The following UBTF variants were observed in gnomAD, a reference collection of about 807,000 sequenced individuals.
UBTF encodes upstream binding transcription factor, also known as nucleolar transcription factor 1.
Under a neutral mutation model 112.3 loss-of-function variants are expected in UBTF, and 8 were observed. That is an observed-to-expected ratio of 0.07 (90% CI 0.04 to 0.13). The LOEUF is 0.13. UBTF is among the 10% of genes least tolerant of loss of function. The pLI is 1.00. For missense variants in UBTF, 457 were observed against 982.1 expected, an observed-to-expected ratio of 0.47 and a Z score of 7.15; for synonymous variants, 417 against 373.1, an observed-to-expected ratio of 1.12 and a Z score of -1.36.
intron 17 of UBTF, 45 bp from the exon 18 acceptor site, chr17:44,207,956 T>C (rs763686097): frequency 3.7e-6 from 6 of 1,612,932 alleles, no homozygotes; most frequent in Non-Finnish European, 5.1e-6. Context: ...AGCCAACTAC[T>C]GCTGACTGAG....
At chr17:44,208,987 C>A (rs1347569585) in intron 17 of UBTF, 5 of 317,818 alleles carry the variant, frequency 1.6e-5, no homozygotes. Context: ...GAGTTCGAGA[C>A]CAGCCTGCCC....
At chr17:44,220,039 T>TGGC (rs1161361017), upstream of UBTF, among the ~76,000 whole-genome samples, 1,342 of 109,358 alleles carry the variant, frequency 0.012, 25 homozygotes, top group African/African-American at 0.041. Context: ...GTGGTGGTGC[T>TGGC]GGCGGCGGCG....
chr17:44,213,175 C>T, intron 6 of UBTF, 43 bp downstream of exon 6: 2 of 1,599,522 alleles, frequency 1.3e-6, no homozygotes, highest in Non-Finnish European at 1.7e-6. Context: ...TATTCTGCTG[C>T]CCCCAGTGCC....
At position 44,205,403 on chromosome 17, in the gene UBTF, G is replaced by A. The variant is rs1472462370; in HGVS notation, c.*1839C>T. ...TTTTTAAATGAAAATACATTCCACTGAAACACAACAGTGTAGGGGCATCCA... is the reference window on the plus strand; with the variant it reads ...TTTTTAAATGAAAATACATTCCACTAAAACACAACAGTGTAGGGGCATCCA... On this transcript the variant is annotated 3_prime_UTR_variant, in exon 21 of 21. Coordinates refer to ENST00000436088, the MANE Select transcript of UBTF (RefSeq NM_014233.4). 2 of 152,546 alleles carry A rather than the reference G, an allele frequency of 1.3e-5. No homozygotes were observed. Among genetic ancestry groups the A allele is most frequent in the East Asian group, 1.9e-4 (1 of 5,196 alleles). 9.4% of individuals were successfully genotyped at this position (152,546 alleles called of 1,614,324 possible). A position where few individuals can be genotyped will look rare whatever the true frequency, so the allele number is the denominator to read the frequency against.
intron 1 of UBTF, among the ~76,000 whole-genome samples, chr17:44,218,745 C>G (rs1202919179): frequency 1.3e-5 from 2 of 151,680 alleles, no homozygotes; most frequent in Non-Finnish European, 2.9e-5. Flanking sequence ...CTCCCGCCTC[C>G]CCCCGGCCGG....
chr17:44,213,118 T>A, intron 6 of UBTF, 100 bp downstream of exon 6: 1 of 1,542,788 alleles, frequency 6.5e-7, no homozygotes. Flanking sequence ...CCCATCCTCT[T>A]CCATGCCTCA....
At chr17:44,220,280 CG>C (rs1408152411), upstream of UBTF, among the ~76,000 whole-genome samples, 1 of 151,734 alleles carries the variant, frequency 6.6e-6, no homozygotes, top group South Asian at 2.1e-4. Context: ...CGGGGAGGCT[CG>C]GGGGGCGCCC....
chr17:44,207,995 T>C (rs2056376111), intron 17 of UBTF, 84 bp from the exon 18 acceptor site: 1 of 1,558,406 alleles, frequency 6.4e-7, no homozygotes, highest in South Asian at 1.1e-5. Context: ...GGCAGTGGGC[T>C]GAGCATTTAT....
At position 44,216,524 on chromosome 17, in the gene UBTF, G is replaced by A; in HGVS notation, c.234+5C>T. ...TGTGTATGTCAGAAAAGGGGGATCA[G>A]TTACCTCATTAGAAATCTCCACCCA... On this transcript the variant is annotated splice_donor_5th_base_variant and intron_variant, in intron 3 of 20. Transcript: ENST00000436088. 2 of 1,614,026 alleles carry A rather than the reference G, an allele frequency of 1.2e-6. No homozygotes were observed. Among genetic ancestry groups the A allele is most frequent in the Non-Finnish European group, 1.7e-6 (2 of 1,179,880 alleles).
rs372545913 is a variant in UBTF at position 44,215,839 on chromosome 17, G to A, written c.319-30C>T. ...AAGAAGGGACAAGGACACAATGGAG[G>A]TCAAATACATCCCTTCTTTGGACCT... On this transcript the variant is annotated intron_variant, in intron 4 of 20. Coordinates refer to ENST00000436088, the MANE Select transcript of UBTF (RefSeq NM_014233.4). The A allele has an allele frequency of 3.5e-5, 57 of 1,613,916 alleles. No homozygotes were observed. In the East Asian group the frequency reaches 4.2e-4, roughly 12 times the overall value.
Position 44,209,493 on chromosome 17 carries a change from C to T in UBTF, c.1764G>A (p.Leu588=). The stretch of plus-strand genomic sequence containing the variant: ...TGCGCTCCTTCAGCGGCAGGTGGTT[C>T]AGCTCCCCATTGGACAGCAGCTCCT... ...FSQELLSNGE[L]NHLPLKERMV... The change falls in exon 17 of 21, where the codon CTG becomes CTA. Residue 588 remains leucine (L), a synonymous_variant. Transcript: ENST00000436088. 1 of 1,613,872 alleles carries T rather than the reference C, an allele frequency of 6.2e-7. No homozygotes were observed. The highest frequency in any genetic ancestry group is 8.5e-7 in the Non-Finnish European group (1 of 1,179,792).
In UBTF at chr17:44,211,339, A is replaced by T; in HGVS notation, c.1048-8T>A. On this transcript the variant is annotated splice_polypyrimidine_tract_variant and splice_region_variant and intron_variant, in intron 10 of 20. Coordinates refer to ENST00000436088, the MANE Select transcript of UBTF (RefSeq NM_014233.4). The surrounding 1 kb of genome is among the most constrained non-coding windows in gnomAD (Gnocchi z 4.9). ...CTCGTAATCTTTCTTTTTCTGGGAA[A>T]GTGAGTGGAGTCAGGATCAGTCTGG... The T allele has an allele frequency of 6.2e-7, 1 of 1,614,086 alleles. No homozygotes were observed.
intron 17 of UBTF, among the ~76,000 whole-genome samples, chr17:44,208,271 C>T (rs1047152733): frequency 3.3e-5 from 5 of 151,856 alleles, no homozygotes; most frequent in African/African-American, 1.2e-4. Context: ...ACCATGCTAC[C>T]TTATAATTTT....
chr17:44,219,763 A>G, upstream of UBTF: 1 of 150,664 alleles, frequency 6.6e-6, no homozygotes, highest in Non-Finnish European at 1.5e-5. Flanking sequence ...CCGCAGCCTC[A>G]GCCGCCGGAG....
chr17:44,210,384 C>T lies in UBTF; in HGVS notation c.1449G>A (p.Glu483=). 1.2e-6 allele frequency: 2 copies of T among 1,614,210 alleles called. No individual in the cohort carries two copies. The highest frequency in any genetic ancestry group is 1.6e-4 in the Middle Eastern group (1 of 6,062). ...AGATCTCCTCAGCTCTTTTGGGGGACTCGGGCAGCTTGCCCCGTTCCTCGC... is the reference window on the plus strand; with the variant it reads ...AGATCTCCTCAGCTCTTTTGGGGGATTCGGGCAGCTTGCCCCGTTCCTCGC... ...GEREERGKLP[E]SPKRAEEIWQ... The change falls in exon 14 of 21, where the codon GAG becomes GAA. Residue 483 remains glutamate (E), a synonymous_variant. Coordinates refer to ENST00000436088, the MANE Select transcript of UBTF (RefSeq NM_014233.4).
At chr17:44,218,582 C>A (rs2046970100) in intron 1 of UBTF, 1 of 133,246 alleles carries the variant, frequency 7.5e-6, no homozygotes, top group East Asian at 2.3e-4. Flanking sequence ...CGCCCCGCTT[C>A]CCAACCCCAG....
chr17:44,219,139 G>A (rs1407025075), intron 1 of UBTF: 1 of 150,622 alleles, frequency 6.6e-6, no homozygotes, highest in Non-Finnish European at 1.5e-5. Context: ...CGGGAGGACG[G>A]CGGCCGGGAG....
intron 17 of UBTF, chr17:44,208,837 G>A (rs982207221): frequency 2.4e-5 from 7 of 295,186 alleles, no homozygotes; most frequent in Non-Finnish European, 4.0e-5. Context: ...TACTTACTGT[G>A]TGACCTTGGG....
chr17:44,209,955 G>A (rs2056545626), intron 15 of UBTF, among the ~76,000 whole-genome samples, 169 bp downstream of exon 15: 1 of 152,154 alleles, frequency 6.6e-6, no homozygotes, highest in Non-Finnish European at 1.5e-5. Flanking sequence ...CAGCCTGGAG[G>A]TTAGCAATGT....
Sources: allele counts gnomAD v4.1 joint callset (sites outside exome capture counted in the v4.1 genomes callset), GRCh38; gene constraint gnomAD v4.1.1; non-coding constraint Gnocchi (gnomAD v3.1); transcripts MANE v1.5; gene names NCBI Gene and HGNC (gene_info 2026-07-23, HGNC 2026-07-21).